Variants in NXPH2 observed in about 807,000 individuals in gnomAD.
NXPH2 encodes neurexophilin 2.
NXPH2 carries 5 observed loss-of-function variants against 19.8 expected under a neutral mutation model. The ratio of observed to expected loss-of-function variants is 0.25; its 90% CI spans 0.13 to 0.53. NXPH2 has a LOEUF of 0.53. Ranked by LOEUF, NXPH2 falls within the 20% of genes least tolerant of loss-of-function variation. The pLI is 0.96. For missense variants in NXPH2, 289 were observed against 322.8 expected (o/e 0.90, Z 0.80); for synonymous variants, 154 against 127.4 (o/e 1.21, Z -1.41).
At chr2:138,768,815 G>C (rs975864995) in intron 1 of NXPH2, among the ~76,000 whole-genome samples, 9 of 152,152 alleles carry the variant, frequency 5.9e-5, no homozygotes, top group African/African-American at 1.9e-4. Flanking sequence ...TAAGTAATTA[G>C]CAAAGCCCTC....
At chr2:138,757,813 T>TTATCTATCTATC (rs57043046) in intron 1 of NXPH2, among the ~76,000 whole-genome samples, 5 of 147,488 alleles carry the variant, frequency 3.4e-5, no homozygotes, top group East Asian at 2.0e-4. Context: ...GTGTGTTTCT[T>TTATCTATCTATC]TATCTATCTA....
intron 1 of NXPH2, among the ~76,000 whole-genome samples, chr2:138,710,441 G>A (rs1407733008): frequency 6.6e-6 from 1 of 152,126 alleles, no homozygotes; most frequent in African/African-American, 2.4e-5. Context: ...AGGAATTGCT[G>A]AGTTATATGG....
intron 1 of NXPH2, among the ~76,000 whole-genome samples, chr2:138,704,585 T>G (rs1206891028): frequency 1.3e-5 from 2 of 152,144 alleles, no homozygotes; most frequent in Non-Finnish European, 2.9e-5. Context: ...GGAGGGGAAC[T>G]GGGAGCCTGC....
intron 1 of NXPH2, among the ~76,000 whole-genome samples, chr2:138,717,058 A>G (rs567559986): frequency 6.6e-6 from 1 of 152,354 alleles, no homozygotes. Flanking sequence ...TGGAACTCAC[A>G]GTTTTCAAAT....
intron 1 of NXPH2, among the ~76,000 whole-genome samples, chr2:138,770,925 TATACA>T (rs1417710575): frequency 6.6e-6 from 1 of 152,118 alleles, no homozygotes; most frequent in African/African-American, 2.4e-5. Flanking sequence ...AGTAATACAG[TATACA>T]ATACATGTTA....
At position 138,734,528 on chromosome 2, in the gene NXPH2, G is replaced by C. The variant is rs1317938778; in HGVS notation, c.51+45663C>G. On this transcript the variant is annotated intron_variant, in intron 1 of 1. Coordinates refer to ENST00000272641, the MANE Select transcript of NXPH2 (RefSeq NM_007226.3). ...CAGGGAAAGCTTTAAGGAGAAGGGA[G>C]TACTTGAGCTGAATTTTAAAAAAGG... is the stretch of plus-strand genomic sequence containing the variant. Among the ~76,000 whole-genome samples the C allele has an allele frequency of 2.0e-5, 3 of 152,302 alleles. No homozygotes were observed. The East Asian group carries it at 5.8e-4, about 29-fold the overall frequency.
chr2:138,697,839 A>T (rs1680851177), intron 1 of NXPH2, among the ~76,000 whole-genome samples: 1 of 152,130 alleles, frequency 6.6e-6, no homozygotes, highest in Non-Finnish European at 1.5e-5. Context: ...CTACTAATTA[A>T]GTACATAAAC....
At chr2:138,674,867 G>A (rs1680462601) in intron 1 of NXPH2, among the ~76,000 whole-genome samples, 1 of 152,134 alleles carries the variant, frequency 6.6e-6, no homozygotes. Context: ...TATTTAATGA[G>A]ATTCACCCTG....
intron 1 of NXPH2, among the ~76,000 whole-genome samples, chr2:138,768,133 A>G (rs1218358989): frequency 6.6e-6 from 1 of 152,186 alleles, no homozygotes; most frequent in Non-Finnish European, 1.5e-5. Context: ...TGAGAATACT[A>G]ATTGGGCATT....
At chr2:138,727,107 G>A (rs1410826790) in intron 1 of NXPH2, among the ~76,000 whole-genome samples, 4 of 152,122 alleles carry the variant, frequency 2.6e-5, no homozygotes, top group African/African-American at 4.8e-5. Context: ...TTCATAACTT[G>A]ATGGTTCATT....
intron 1 of NXPH2, among the ~76,000 whole-genome samples, chr2:138,756,728 G>A (rs191248256): frequency 1.7e-4 from 26 of 152,198 alleles, no homozygotes; most frequent in Non-Finnish European, 3.2e-4. Flanking sequence ...AGAAGTTTTC[G>A]CTCATGGCCT....
At chr2:138,748,735 G>A (rs1681780789) in intron 1 of NXPH2, among the ~76,000 whole-genome samples, 1 of 151,810 alleles carries the variant, frequency 6.6e-6, no homozygotes. Flanking sequence ...ACTGACTATT[G>A]GATTAACTTT....
Position 138,703,896 on chromosome 2 carries a change from A to G in NXPH2, c.52-32231T>C, listed in dbSNP as rs565234144. ...GGTTAGGCGGGATCTTATTTAAAACATAAGAGGTTAGTCCTCTTTCCAAAC... is the reference window on the plus strand; with the variant it reads ...GGTTAGGCGGGATCTTATTTAAAACGTAAGAGGTTAGTCCTCTTTCCAAAC... On this transcript the variant is annotated intron_variant, in intron 1 of 1. Coordinates refer to ENST00000272641, the MANE Select transcript of NXPH2 (RefSeq NM_007226.3). 3.3e-5 allele frequency among the ~76,000 whole-genome samples: 5 copies of G among 152,350 alleles called. No individual in the cohort carries two copies. The East Asian group carries it at 7.7e-4, about 24-fold the overall frequency.
intron 1 of NXPH2, among the ~76,000 whole-genome samples, chr2:138,685,254 G>A (rs1315833760): frequency 6.6e-6 from 1 of 152,148 alleles, no homozygotes; most frequent in Non-Finnish European, 1.5e-5. Flanking sequence ...TATGGATTTT[G>A]AACTTGTCAA....
intron 1 of NXPH2, among the ~76,000 whole-genome samples, chr2:138,702,554 C>A (rs1680944059): frequency 6.6e-6 from 1 of 152,142 alleles, no homozygotes; most frequent in East Asian, 1.9e-4. Context: ...ACAAAAGATT[C>A]AAAATTTTTC....
At chr2:138,763,685 T>C (rs1682050493) in intron 1 of NXPH2, among the ~76,000 whole-genome samples, 1 of 152,138 alleles carries the variant, frequency 6.6e-6, no homozygotes, top group African/African-American at 2.4e-5. Context: ...AGAAGTCTTG[T>C]CCCAAAGGAT....
intron 1 of NXPH2, among the ~76,000 whole-genome samples, chr2:138,735,326 C>T (rs1413103810): frequency 6.6e-6 from 1 of 152,126 alleles, no homozygotes; most frequent in East Asian, 1.9e-4. Flanking sequence ...AATGGACTCA[C>T]AGTTTCACAT....
At chr2:138,691,522 G>T (rs1015103952) in intron 1 of NXPH2, among the ~76,000 whole-genome samples, 7 of 152,138 alleles carry the variant, frequency 4.6e-5, no homozygotes, top group African/African-American at 1.7e-4. Flanking sequence ...ATTTCTCTGT[G>T]CCTGAATGCT....
chr2:138,694,616 T>C (rs1405338687), intron 1 of NXPH2, among the ~76,000 whole-genome samples: 5 of 152,166 alleles, frequency 3.3e-5, no homozygotes, highest in Admixed American at 6.5e-5. Flanking sequence ...TTCAAACTTA[T>C]AGCTTGCAGC....
Sources: gnomAD v4.1 joint callset for allele counts (sites outside exome capture counted in the v4.1 genomes callset) on GRCh38, gnomAD v4.1.1 for gene constraint, MANE v1.5 for transcripts, NCBI Gene and HGNC (gene_info 2026-07-23, HGNC 2026-07-21) for gene names.